Variants in CPEB4 observed in about 807,000 individuals in gnomAD.
The protein encoded by CPEB4 is cytoplasmic polyadenylation element binding protein 4.
CPEB4 carries 12 observed loss-of-function variants against 72.5 expected under a neutral mutation model. That is an observed-to-expected ratio of 0.17 (90% CI 0.11 to 0.27). The LOEUF (loss-of-function observed/expected upper bound fraction) is 0.27, where lower values mean the gene tolerates loss of function less well. Ranked by LOEUF, CPEB4 falls within the 10% of genes least tolerant of loss-of-function variation. The probability of loss-of-function intolerance (pLI) is 1.00; values close to 1 mark genes in which losing one functional copy is unlikely to be tolerated. For missense variants in CPEB4, 614 were observed against 908.5 expected, an observed-to-expected ratio of 0.68 and a Z score of 4.17; for synonymous variants, 302 against 326.3, an observed-to-expected ratio of 0.93 and a Z score of 0.80.
chr5:173,920,107 T>C (rs1010791548), intron 2 of CPEB4, among the ~76,000 whole-genome samples: 2 of 152,372 alleles, frequency 1.3e-5, no homozygotes, highest in African/African-American at 4.8e-5. Context: ...TTTTATCTAA[T>C]TGACTGATTC....
chr5:173,961,441 G>A lies in CPEB4; in HGVS notation c.*5304G>A, dbSNP rs1430807648. 6.6e-6 allele frequency: 1 copy of A among 152,220 alleles called. No homozygotes were observed. The highest frequency in any genetic ancestry group is 2.4e-5 in the African/African-American group (1 of 41,466). 9.4% of individuals were successfully genotyped at this position (152,220 alleles called of 1,614,324 possible). Reference sequence around the variant, plus strand: ...AACAACTCTATCTTGAAATTACATAGGTGCATTGCTTTGGGTGTTTTAAAT... The same window carrying A: ...AACAACTCTATCTTGAAATTACATAAGTGCATTGCTTTGGGTGTTTTAAAT... On this transcript the variant is annotated 3_prime_UTR_variant, in exon 10 of 10. Transcript: ENST00000265085.
At chr5:173,953,388 A>G (rs1284656662) in intron 9 of CPEB4, 116 bp downstream of exon 9, 3 of 756,470 alleles carry the variant, frequency 4.0e-6, no homozygotes, top group African/African-American at 3.5e-5. Flanking sequence ...AATTTTGCCT[A>G]TAGAGTTAAT....
intron 2 of CPEB4, among the ~76,000 whole-genome samples, chr5:173,928,088 T>C (rs1757312670): frequency 6.6e-6 from 1 of 151,930 alleles, no homozygotes. Flanking sequence ...TATGATAGTC[T>C]GGAAAAGGCA....
intron 1 of CPEB4, among the ~76,000 whole-genome samples, chr5:173,901,904 A>C (rs534764812): frequency 6.6e-5 from 10 of 152,286 alleles, no homozygotes; most frequent in African/African-American, 2.4e-4. Flanking sequence ...GTGATAGTAT[A>C]AGCTCTGTCA....
chr5:173,890,801 A>C lies in CPEB4; in HGVS notation c.1068A>C (p.Ala356=), dbSNP rs750975297. Residue 356 remains alanine (A), a synonymous_variant, in exon 1 of 10, where the codon GCA becomes GCC. Transcript: ENST00000265085. ...QKYARPSSAF[A]PKSWMEDSLN... ...ATGCTCGCCCCAGCTCTGCCTTTGC[A>C]CCTAAATCCTGGATGGAAGATAGCT... 15 of 1,614,012 alleles carry C rather than the reference A, an allele frequency of 9.3e-6. 1 individual carries two copies. The highest frequency in any genetic ancestry group is 8.3e-5 in the Admixed American group (5 of 59,994).
intron 2 of CPEB4, among the ~76,000 whole-genome samples, chr5:173,913,518 G>A (rs115754163): frequency 1.1e-3 from 168 of 152,206 alleles, no homozygotes; most frequent in African/African-American, 3.9e-3. Flanking sequence ...ATTCTGATAC[G>A]ATTAACAATA....
At chr5:173,919,582 G>A (rs359418) in intron 2 of CPEB4, among the ~76,000 whole-genome samples, 1 of 152,076 alleles carries the variant, frequency 6.6e-6, no homozygotes, top group Non-Finnish European at 1.5e-5. Context: ...TACAAAAACA[G>A]CCCAAATATC....
intron 2 of CPEB4, among the ~76,000 whole-genome samples, chr5:173,914,572 A>G (rs991337371): frequency 6.6e-6 from 1 of 152,184 alleles, no homozygotes; most frequent in Non-Finnish European, 1.5e-5. Context: ...CCTGGCCAAC[A>G]TGGTGAAACC....
At chr5:173,890,992 CTT>C in intron 1 of CPEB4, 134 bp downstream of exon 1, 1 of 866,238 alleles carries the variant, frequency 1.2e-6, no homozygotes. Flanking sequence ...AATAACCAGA[CTT>C]TATTTTAGCA....
intron 7 of CPEB4, among the ~76,000 whole-genome samples, chr5:173,951,324 CTA>C (rs763260958): frequency 6.6e-6 from 1 of 151,330 alleles, no homozygotes; most frequent in African/African-American, 2.4e-5. Context: ...AAAAAAAAAT[CTA>C]TTGCAAATAT....
chr5:173,953,694 C>A (rs890722786), intron 9 of CPEB4, among the ~76,000 whole-genome samples: 3 of 151,588 alleles, frequency 2.0e-5, no homozygotes, highest in African/African-American at 7.3e-5. Context: ...CTCAGCAAGC[C>A]CTATTTCTCA....
chr5:173,951,543 G>A (rs1758216535), intron 7 of CPEB4, among the ~76,000 whole-genome samples: 1 of 152,126 alleles, frequency 6.6e-6, no homozygotes, highest in African/African-American at 2.4e-5. Flanking sequence ...GCCCAAATAA[G>A]CTGAAAAACA....
At chr5:173,913,489 C>T (rs577255302) in intron 2 of CPEB4, among the ~76,000 whole-genome samples, 1 of 152,322 alleles carries the variant, frequency 6.6e-6, no homozygotes, top group Non-Finnish European at 1.5e-5. Context: ...TGAGCCACTG[C>T]ACCTGGCCAG....
At chr5:173,909,480 C>T (rs1756561424) in intron 1 of CPEB4, among the ~76,000 whole-genome samples, 1 of 151,822 alleles carries the variant, frequency 6.6e-6, no homozygotes, top group South Asian at 2.1e-4. Flanking sequence ...AGCTTCTGTG[C>T]TTCATTATTC....
At chr5:173,951,590 T>C (rs1758218497) in intron 7 of CPEB4, among the ~76,000 whole-genome samples, 1 of 152,232 alleles carries the variant, frequency 6.6e-6, no homozygotes, top group Non-Finnish European at 1.5e-5. Flanking sequence ...ACATGTTAAG[T>C]AATTTGGCTT....
At position 173,951,808 on chromosome 5, in the gene CPEB4, T is replaced by A; in HGVS notation, c.1666-16T>A. The A allele has an allele frequency of 6.5e-7, 1 of 1,534,530 alleles. No individual in the cohort carries two copies. The highest frequency in any genetic ancestry group is 9.0e-7 in the Non-Finnish European group (1 of 1,107,958). On this transcript the variant is annotated splice_polypyrimidine_tract_variant and intron_variant, in intron 7 of 9. Transcript: ENST00000265085. The stretch of plus-strand genomic sequence containing the variant: ...CTGTATTGAGAATGAGACATTTTGG[T>A]TTGTACATTCCCTAGGTCCAGATTC...
rs895744116 is a variant in CPEB4, at chr5:173,900,758, A to G, written c.1126-9765A>G. Reference sequence around the variant, plus strand: ...AAATGTGAGTTTCATGCTTTTTTTCATTGCACCATAGAAGGGGCAGAGAAA... The same window carrying G: ...AAATGTGAGTTTCATGCTTTTTTTCGTTGCACCATAGAAGGGGCAGAGAAA... On this transcript the variant is annotated intron_variant, in intron 1 of 9. Transcript: ENST00000265085. The surrounding 1 kb of genome is among the most constrained non-coding windows in gnomAD (Gnocchi z 4.4). 6.6e-6 allele frequency among the ~76,000 whole-genome samples: 1 copy of G among 152,150 alleles called. No individual in the cohort carries two copies. The highest frequency in any genetic ancestry group is 2.4e-5 in the African/African-American group (1 of 41,444).
At position 173,953,203 on chromosome 5, in the gene CPEB4, T is replaced by C. The variant is rs753606946; in HGVS notation, c.1893T>C (p.Asn631=). The C allele has an allele frequency of 6.2e-6, 10 of 1,613,762 alleles. No individual in the cohort carries two copies. The highest frequency in any genetic ancestry group is 1.3e-5 in the African/African-American group (1 of 75,004). ...PKGAGRVAFS[N]QQSYIAAISA... ...GAGCTGGGAGAGTTGCGTTCTCTAATCAACAGAGTTACATAGCTGCTATCA... is the reference window on the plus strand; with the variant it reads ...GAGCTGGGAGAGTTGCGTTCTCTAACCAACAGAGTTACATAGCTGCTATCA... Residue 631 remains asparagine (N), a synonymous_variant, in exon 9 of 10, where the codon AAT becomes AAC. Transcript: ENST00000265085.
chr5:173,944,702 C>T (rs1757956652), intron 4 of CPEB4, among the ~76,000 whole-genome samples: 1 of 152,144 alleles, frequency 6.6e-6, no homozygotes, highest in African/African-American at 2.4e-5. Context: ...TCCTCCTGTA[C>T]TTCAGTTCAC....
Sources: allele counts gnomAD v4.1 joint callset (sites outside exome capture counted in the v4.1 genomes callset), GRCh38; gene constraint gnomAD v4.1.1; non-coding constraint Gnocchi (gnomAD v3.1); transcripts MANE v1.5; gene names NCBI Gene and HGNC (gene_info 2026-07-23, HGNC 2026-07-21).